Variants in MEMO1 observed in about 807,000 individuals in gnomAD.
The protein encoded by MEMO1 is mediator of cell motility 1.
A neutral mutation model predicts 45.2 loss-of-function variants in MEMO1; 6 were observed. The ratio of observed to expected loss-of-function variants is 0.13; its 90% CI spans 0.07 to 0.26. MEMO1 has a LOEUF of 0.26. MEMO1 is among the 10% of genes least tolerant of loss of function. The pLI, the probability that MEMO1 is intolerant of heterozygous loss-of-function variation, is 1.00. For missense variants in MEMO1, 184 were observed against 370.5 expected, an observed-to-expected ratio of 0.50 and a Z score of 4.13; for synonymous variants, 78 against 124.3, an observed-to-expected ratio of 0.63 and a Z score of 2.48.
intron 2 of MEMO1, among the ~76,000 whole-genome samples, chr2:31,977,608 G>C (rs1331581207): frequency 6.6e-6 from 1 of 152,232 alleles, no homozygotes; most frequent in African/African-American, 2.4e-5. Flanking sequence ...CTGCCTCCTA[G>C]GTACAAGCGA....
At chr2:31,963,493 C>G (rs1668262225) in intron 2 of MEMO1, among the ~76,000 whole-genome samples, 1 of 152,092 alleles carries the variant, frequency 6.6e-6, no homozygotes, top group African/African-American at 2.4e-5. Flanking sequence ...ATTTGGAAAA[C>G]TGGTAAATAA....
intron 2 of MEMO1, 97 bp downstream of exon 2, chr2:32,010,090 C>A (rs1674663837): frequency 1.7e-6 from 1 of 576,310 alleles, no homozygotes; most frequent in Non-Finnish European, 2.2e-6. Context: ...CTCTTCCCCG[C>A]CCGCCGCCGC....
chr2:31,890,340 A>AT (rs1399444881), intron 7 of MEMO1, among the ~76,000 whole-genome samples: 2 of 152,166 alleles, frequency 1.3e-5, no homozygotes, highest in Non-Finnish European at 2.9e-5. Flanking sequence ...AAGAATTTTA[A>AT]TTTTCAAAAC....
chr2:31,904,071 CAG>C (rs1163498283), intron 6 of MEMO1, among the ~76,000 whole-genome samples: 1 of 152,196 alleles, frequency 6.6e-6, no homozygotes, highest in Non-Finnish European at 1.5e-5. Flanking sequence ...GATGGCATTT[CAG>C]AGAGTCAAAA....
At chr2:31,980,033 A>G (rs1670457105) in intron 2 of MEMO1, among the ~76,000 whole-genome samples, 1 of 152,058 alleles carries the variant, frequency 6.6e-6, no homozygotes, top group African/African-American at 2.4e-5. Flanking sequence ...AGAAAGAAAA[A>G]AACTGTCTTA....
At chr2:31,970,510 ACT>A (rs940562245) in intron 2 of MEMO1, among the ~76,000 whole-genome samples, 2 of 152,100 alleles carry the variant, frequency 1.3e-5, no homozygotes, top group African/African-American at 4.8e-5. Context: ...TATGTTAGAC[ACT>A]GTTATACAAC....
chr2:31,896,623 TA>T (rs1289587058), intron 6 of MEMO1, among the ~76,000 whole-genome samples: 1 of 152,180 alleles, frequency 6.6e-6, no homozygotes, highest in Non-Finnish European at 1.5e-5. Flanking sequence ...AAAGTTTTCT[TA>T]AATTTGATAC....
intron 2 of MEMO1, among the ~76,000 whole-genome samples, chr2:32,002,180 TATATATAC>T (rs1673436306): frequency 7.8e-6 from 1 of 127,466 alleles, no homozygotes; most frequent in African/African-American, 3.1e-5. Context: ...TATATATATA[TATATATAC>T]ACACACACAC....
At chr2:31,972,291 A>G (rs1051706286) in intron 2 of MEMO1, among the ~76,000 whole-genome samples, 13 of 152,318 alleles carry the variant, frequency 8.5e-5, no homozygotes, top group African/African-American at 3.1e-4. Context: ...AAGCAAGTGA[A>G]ACAAAGCTGG....
chr2:31,990,261 A>T (rs1214783316), intron 2 of MEMO1, among the ~76,000 whole-genome samples: 3 of 152,234 alleles, frequency 2.0e-5, no homozygotes, highest in Non-Finnish European at 4.4e-5. Flanking sequence ...CTATTAAGCT[A>T]GACATTAAAG....
At chr2:32,010,663 C>T (rs1272290954) in intron 1 of MEMO1, 1 of 148,972 alleles carries the variant, frequency 6.7e-6, no homozygotes, top group African/African-American at 2.5e-5. Flanking sequence ...CCCGTGACTC[C>T]GCGCCCGCCC....
chr2:31,941,366 C>T (rs1463101472), intron 3 of MEMO1, among the ~76,000 whole-genome samples: 1 of 152,128 alleles, frequency 6.6e-6, no homozygotes, highest in African/African-American at 2.4e-5. Context: ...GTTACCTTAC[C>T]AGGGAGTCCT....
chr2:31,991,835 G>A (rs1289806169), intron 2 of MEMO1, among the ~76,000 whole-genome samples: 1 of 152,020 alleles, frequency 6.6e-6, no homozygotes, highest in Non-Finnish European at 1.5e-5. Flanking sequence ...ACACAGGAGG[G>A]AAATGTTTTT....
At chr2:31,932,444 G>GT (rs557249663) in intron 3 of MEMO1, among the ~76,000 whole-genome samples, 5,390 of 143,292 alleles carry the variant, frequency 0.038, 119 homozygotes, top group African/African-American at 0.064. Context: ...TTTTGTTGTT[G>GT]TTTTTTTTTT....
chr2:31,920,789 T>C lies in MEMO1; in HGVS notation c.325+9A>G. 21 of 1,478,976 alleles carry C rather than the reference T, an allele frequency of 1.4e-5. No individual in the cohort carries two copies. The highest frequency in any genetic ancestry group is 1.9e-5 in the Non-Finnish European group (21 of 1,091,626). The allele number at this position is 1,478,976 out of a possible 1,614,324, so 91.6% of individuals were successfully genotyped here. A position where few individuals can be genotyped will look rare whatever the true frequency, so the allele number is the denominator to read the frequency against. On this transcript the variant is annotated intron_variant, in intron 5 of 9. Transcript: ENST00000404530. ...CTATTTGAAAGCTATAATATTTCTATATACTTACTCTTTTGGTCAATACGA... is the reference window on the plus strand; with the variant it reads ...CTATTTGAAAGCTATAATATTTCTACATACTTACTCTTTTGGTCAATACGA...
chr2:31,904,567 G>A (rs1679389965), intron 6 of MEMO1, among the ~76,000 whole-genome samples: 1 of 152,198 alleles, frequency 6.6e-6, no homozygotes, highest in African/African-American at 2.4e-5. Context: ...CACATGTGCA[G>A]TTCACAATAG....
At chr2:31,998,539 G>A (rs559872957) in intron 2 of MEMO1, among the ~76,000 whole-genome samples, 18 of 152,094 alleles carry the variant, frequency 1.2e-4, no homozygotes, top group South Asian at 2.1e-4. Flanking sequence ...AGTGGCTCAC[G>A]CCTATAATCC....
chr2:31,983,298 GAT>G (rs1343967195), intron 2 of MEMO1, among the ~76,000 whole-genome samples: 1 of 152,086 alleles, frequency 6.6e-6, no homozygotes, highest in Non-Finnish European at 1.5e-5. Flanking sequence ...CATAAAAATG[GAT>G]AGATACAGAA....
At chr2:31,957,757 G>A (rs911916906) in intron 2 of MEMO1, among the ~76,000 whole-genome samples, 2 of 152,194 alleles carry the variant, frequency 1.3e-5, no homozygotes, top group South Asian at 4.1e-4. Flanking sequence ...AGTTTTATTT[G>A]TCTAGCAAGG....
Sources: allele counts gnomAD v4.1 joint callset (sites outside exome capture counted in the v4.1 genomes callset), GRCh38; gene constraint gnomAD v4.1.1; transcripts MANE v1.5; gene names NCBI Gene and HGNC (gene_info 2026-07-23, HGNC 2026-07-21).